C4BPB: variants seen among roughly 807,000 people sequenced by gnomAD.
C4BPB encodes the protein C4b-binding protein beta chain.
A neutral mutation model predicts 26.6 loss-of-function variants in C4BPB; 19 were observed. That is an observed-to-expected ratio of 0.71 (90% CI 0.50 to 1.05). The LOEUF (loss-of-function observed/expected upper bound fraction) is 1.05, where lower values mean the gene tolerates loss of function less well. Ranked by LOEUF, C4BPB falls within the 50% of genes least tolerant of loss-of-function variation. The pLI is 0.00. For synonymous variants in C4BPB, 118 were observed against 103.5 expected (o/e 1.14, Z -0.85); for missense variants, 282 against 302.9 (o/e 0.93, Z 0.51).
chr1:207,098,963 C>T (rs1684363197), intron 6 of C4BPB, among the ~76,000 whole-genome samples: 1 of 152,012 alleles, frequency 6.6e-6, no homozygotes, highest in African/African-American at 2.4e-5. Context: ...ATTAGAATCT[C>T]ATCTGGGAGT....
chr1:207,091,274 G>A (rs924472015), intron 3 of C4BPB, among the ~76,000 whole-genome samples: 19 of 152,082 alleles, frequency 1.2e-4, no homozygotes, highest in Non-Finnish European at 2.5e-4. Context: ...TGCTAAGTAA[G>A]TGTATATTTG....
In C4BPB at chr1:207,096,585, G is replaced by C; in HGVS notation, c.473G>C (p.Gly158Ala). The C allele has an allele frequency of 6.2e-7, 1 of 1,605,668 alleles. No homozygotes were observed. Among genetic ancestry groups the C allele is most frequent in the Admixed American group, 1.7e-5 (1 of 59,862 alleles). The stretch of plus-strand genomic sequence containing the variant: ...TTTGAAGGAAATAACTTCACCTTAG[G>C]ATCCACCATTAGTTATTACTGTGAA... Reference protein sequence around the residue: ...GYFEGNNFTLGSTISYYCEDR... With the variant: ...GYFEGNNFTLASTISYYCEDR... Residue 158 changes from glycine (G) to alanine (A), a missense_variant, in exon 5 of 7, where the codon GGA becomes GCA. By Grantham distance (60) the Gly-to-Ala change is moderately conservative. Coordinates refer to ENST00000367078, the MANE Select transcript of C4BPB (RefSeq NM_001017365.3).
rs1404808537 is a variant in C4BPB, at chr1:207,091,710, G to C, written c.299G>C (p.Ser100Thr). ...EFSSSGPVNV[S>T]DKITFMCNDH... is the part of the protein sequence containing the mutation. Reference sequence around the variant, plus strand: ...AGTTCTTCAGGGCCTGTGAATGTAAGTGACAAAATCACGTTTATGTGCAAT... The same window carrying C: ...AGTTCTTCAGGGCCTGTGAATGTAACTGACAAAATCACGTTTATGTGCAAT... Residue 100 changes from serine (S) to threonine (T), a missense_variant, in exon 4 of 7, where the codon AGT becomes ACT. By Grantham distance (58) the Ser-to-Thr change is moderately conservative (BLOSUM62 1). Transcript: ENST00000367078. 2.5e-6 allele frequency: 4 copies of C among 1,614,052 alleles called. No individual in the cohort carries two copies. Among genetic ancestry groups the C allele is most frequent in the Non-Finnish European group, 1.7e-6 (2 of 1,179,976 alleles).
intron 4 of C4BPB, chr1:207,095,066 C>G: frequency 3.5e-6 from 1 of 288,006 alleles, no homozygotes; most frequent in South Asian, 2.9e-5. Flanking sequence ...AGTAAATATA[C>G]ACCCACATAA....
chr1:207,098,528 G>A (rs948549073), intron 6 of C4BPB, among the ~76,000 whole-genome samples: 1 of 152,160 alleles, frequency 6.6e-6, no homozygotes, highest in African/African-American at 2.4e-5. Context: ...GTGCCTTATA[G>A]AGCAGTGGTT....
At chr1:207,097,306 A>G (rs1684290711) in intron 5 of C4BPB, among the ~76,000 whole-genome samples, 2 of 151,932 alleles carry the variant, frequency 1.3e-5, no homozygotes, top group South Asian at 2.1e-4. Flanking sequence ...TCTGCCTCCT[A>G]GGCTCACGAG....
In C4BPB at chr1:207,098,213, A is replaced by G; in HGVS notation, c.567A>G (p.Pro189=). 1 of 1,614,070 alleles carries G rather than the reference A, an allele frequency of 6.2e-7. No homozygotes were observed. Among genetic ancestry groups the G allele is most frequent in the Non-Finnish European group, 8.5e-7 (1 of 1,179,934 alleles). The change falls in exon 6 of 7, where the codon CCA becomes CCG. Residue 189 remains proline (P), a synonymous_variant. Coordinates refer to ENST00000367078, the MANE Select transcript of C4BPB (RefSeq NM_001017365.3). ...CVDGEWSSAL[P]VCKLIQEAPK... ...ATGGGGAGTGGAGCAGTGCACTTCC[A>G]GTCTGCAAGTTGATCCAGGAAGCTC...
intron 4 of C4BPB, chr1:207,095,224 T>C (rs973337592): frequency 4.2e-5 from 19 of 453,028 alleles, no homozygotes; most frequent in Non-Finnish European, 7.1e-5. Context: ...TAGTGCTACA[T>C]AGCTAGTGGA....
chr1:207,094,004 T>C (rs567620246), intron 4 of C4BPB, among the ~76,000 whole-genome samples: 1 of 152,278 alleles, frequency 6.6e-6, no homozygotes, highest in Non-Finnish European at 1.5e-5. Context: ...TATTGAACAT[T>C]ACAAATGATT....
At chr1:207,094,408 T>C (rs1684164630) in intron 4 of C4BPB, among the ~76,000 whole-genome samples, 2 of 152,226 alleles carry the variant, frequency 1.3e-5, no homozygotes, top group Admixed American at 1.3e-4. Flanking sequence ...ATTTAAAACT[T>C]GCATACATAC....
At position 207,091,630 on chromosome 1, in the gene C4BPB, A is replaced by G. The variant is rs778470528; in HGVS notation, c.233-14A>G. On this transcript the variant is annotated splice_polypyrimidine_tract_variant and intron_variant, in intron 3 of 6. Coordinates refer to ENST00000367078, the MANE Select transcript of C4BPB (RefSeq NM_001017365.3). ...GCTTTGCCCTTTCAGCTTATTGCTT[A>G]TTTTCTTCTTCAGTGGGCCACTGTC... 1.2e-6 allele frequency: 2 copies of G among 1,607,490 alleles called. No homozygotes were observed. Among genetic ancestry groups the G allele is most frequent in the East Asian group, 4.5e-5 (2 of 44,814 alleles).
intron 6 of C4BPB, among the ~76,000 whole-genome samples, chr1:207,099,284 C>T (rs985154728): frequency 6.6e-6 from 1 of 152,172 alleles, no homozygotes; most frequent in South Asian, 2.1e-4. Flanking sequence ...AATCTAATGC[C>T]ACCTCTGACC....
intron 2 of C4BPB, 69 bp downstream of exon 2, chr1:207,089,658 T>A: frequency 1.6e-6 from 2 of 1,280,348 alleles, no homozygotes; most frequent in Non-Finnish European, 2.3e-6. Context: ...TGAGGAACTC[T>A]GTCTAGGGCT....
intron 4 of C4BPB, among the ~76,000 whole-genome samples, chr1:207,092,347 T>C (rs1044029050): frequency 1.3e-5 from 2 of 152,142 alleles, no homozygotes; most frequent in African/African-American, 4.8e-5. Context: ...AAGCATTAAA[T>C]GCCATTTTGT....
intron 4 of C4BPB, chr1:207,096,203 A>G: frequency 3.2e-6 from 1 of 316,454 alleles, no homozygotes; most frequent in South Asian, 3.1e-5. Flanking sequence ...TTTCTTGTAC[A>G]TTAACAATTA....
At chr1:207,097,112 G>A (rs1211642714) in intron 5 of C4BPB, among the ~76,000 whole-genome samples, 1 of 152,158 alleles carries the variant, frequency 6.6e-6, no homozygotes, top group Non-Finnish European at 1.5e-5. Flanking sequence ...GGCGGAGGTT[G>A]CAGTGAGCCT....
At chr1:207,092,318 T>C (rs1210853501) in intron 4 of C4BPB, among the ~76,000 whole-genome samples, 3 of 151,950 alleles carry the variant, frequency 2.0e-5, no homozygotes, top group African/African-American at 7.2e-5. Flanking sequence ...CACACACAAA[T>C]AAAATATTTA....
At chr1:207,094,437 A>G (rs901141088) in intron 4 of C4BPB, among the ~76,000 whole-genome samples, 2 of 152,250 alleles carry the variant, frequency 1.3e-5, no homozygotes, top group Non-Finnish European at 2.9e-5. Flanking sequence ...ATACAGTTAA[A>G]TTACATGCAT....
At chr1:207,096,363 T>C in intron 4 of C4BPB, 159 bp from the exon 5 acceptor site, 1 of 633,286 alleles carries the variant, frequency 1.6e-6, no homozygotes, top group South Asian at 1.8e-5. Flanking sequence ...GAAGAACAGG[T>C]TTCCAGATCC....
Sources: allele counts gnomAD v4.1 joint callset (sites outside exome capture counted in the v4.1 genomes callset), GRCh38; gene constraint gnomAD v4.1.1; transcripts MANE v1.5; gene names NCBI Gene and HGNC (gene_info 2026-07-23, HGNC 2026-07-21).